CACNA1A: variants seen among roughly 807,000 people sequenced by gnomAD.
The protein encoded by CACNA1A is calcium voltage-gated channel subunit alpha1 A.
CACNA1A carries 57 observed loss-of-function variants against 262.4 expected under a neutral mutation model. The observed-to-expected ratio is 0.22, with a 90% CI of 0.18 to 0.27. CACNA1A has a LOEUF of 0.27. CACNA1A is among the 10% of genes least tolerant of loss of function. CACNA1A has a pLI of 1.00. For missense variants in CACNA1A, 2,526 were observed against 3,562.8 expected, an observed-to-expected ratio of 0.71 and a Z score of 7.41; for synonymous variants, 1,431 against 1,419.3, an observed-to-expected ratio of 1.01 and a Z score of -0.18.
At chr19:13,268,136 C>T (rs1233857044) in intron 24 of CACNA1A, among the ~76,000 whole-genome samples, 1 of 152,088 alleles carries the variant, frequency 6.6e-6, no homozygotes, top group East Asian at 1.9e-4. Flanking sequence ...TTAACAAAAG[C>T]TATGGCCTTG....
At chr19:13,291,177 G>C (rs2057527928) in intron 19 of CACNA1A, among the ~76,000 whole-genome samples, 1 of 152,150 alleles carries the variant, frequency 6.6e-6, no homozygotes, top group South Asian at 2.1e-4. Context: ...CACCTGCTGT[G>C]CGTGGCGTTC....
chr19:13,294,954 T>C (rs1468654037), intron 19 of CACNA1A, among the ~76,000 whole-genome samples: 2 of 152,214 alleles, frequency 1.3e-5, no homozygotes, highest in African/African-American at 2.4e-5. Context: ...ACTAGTCATG[T>C]CCTGCAAACT....
chr19:13,211,820 C>T (rs2054823803), intron 43 of CACNA1A: 2 of 397,982 alleles, frequency 5.0e-6, no homozygotes, highest in Non-Finnish European at 9.3e-6. Flanking sequence ...CTGTCTGCAG[C>T]CTCCAACCAG....
chr19:13,321,020 T>C (rs1472261599), intron 10 of CACNA1A, among the ~76,000 whole-genome samples: 1 of 141,028 alleles, frequency 7.1e-6, no homozygotes, highest in African/African-American at 2.8e-5. Context: ...TGAAATGTTC[T>C]TTTCCTTTTT....
chr19:13,491,487 G>A (rs1980875293), intron 1 of CACNA1A, among the ~76,000 whole-genome samples: 1 of 152,122 alleles, frequency 6.6e-6, no homozygotes, highest in South Asian at 2.1e-4. Context: ...CCTGACATGA[G>A]CAAGGGCAGG....
At chr19:13,312,506 T>A in intron 12 of CACNA1A, 163 bp downstream of exon 12, 1 of 564,352 alleles carries the variant, frequency 1.8e-6, no homozygotes, top group Admixed American at 4.1e-5. Context: ...CTGGGTACAC[T>A]GTATCCTTGC....
At chr19:13,391,762 C>A (rs1055840930) in intron 3 of CACNA1A, among the ~76,000 whole-genome samples, 5 of 151,674 alleles carry the variant, frequency 3.3e-5, no homozygotes, top group African/African-American at 4.8e-5. Context: ...CATGGCCGGG[C>A]GTGCTGGCTC....
At chr19:13,321,097 G>A (rs1406211658) in intron 10 of CACNA1A, among the ~76,000 whole-genome samples, 2 of 148,280 alleles carry the variant, frequency 1.3e-5, no homozygotes, top group Non-Finnish European at 3.0e-5. Flanking sequence ...GCAGTGGCAC[G>A]ATCTTGGCTC....
rs16054 is a variant in CACNA1A at position 13,207,858 on chromosome 19, C to CCTGCTG, written c.6970_6975dup (p.Gln2324_Gln2325dup). ...GCCGCCCGGCCCGGCCTGGCCACCG[C>CCTGCTG]CTGCTGCTGCTGCTGCTGCTGCTGC... On this transcript the variant is annotated inframe_insertion, in exon 47 of 47. Coordinates refer to ENST00000360228, the MANE Select transcript of CACNA1A (RefSeq NM_001127222.2). This position sits in a 1 kb window ranked among gnomAD's most constrained non-coding sequence, Gnocchi z 5.7. The CCTGCTG allele has an allele frequency of 2.5e-3, 3,532 of 1,431,762 alleles. 26 individuals carry two copies. Among genetic ancestry groups the CCTGCTG allele is most frequent in the East Asian group, 0.011 (370 of 34,392 alleles). The allele number at this position is 1,431,762 out of a possible 1,614,324, so 88.7% of individuals were successfully genotyped here. A position where few individuals can be genotyped will look rare whatever the true frequency, so the allele number is the denominator to read the frequency against.
intron 1 of CACNA1A, among the ~76,000 whole-genome samples, chr19:13,497,524 ATATATATATATATATAT>A (rs1354868260): frequency 9.2e-4 from 1 of 1,086 alleles, no homozygotes; most frequent in Non-Finnish European, 1.4e-3. Flanking sequence ...AAAAAAAAAT[ATATATATATATATATAT>A]ATATATATAT....
intron 36 of CACNA1A, chr19:13,228,989 C>T (rs554409063): frequency 9.7e-5 from 31 of 320,502 alleles, no homozygotes; most frequent in Middle Eastern, 9.4e-4. Context: ...CAGTCGAGTT[C>T]GGGACTGCAG....
intron 6 of CACNA1A, among the ~76,000 whole-genome samples, chr19:13,338,821 T>G (rs755725593): frequency 2.0e-5 from 3 of 152,172 alleles, no homozygotes; most frequent in Non-Finnish European, 2.9e-5. Context: ...GCTCTTCACT[T>G]ATAATCCGCG....
intron 6 of CACNA1A, among the ~76,000 whole-genome samples, chr19:13,355,286 A>C (rs913068000): frequency 2.6e-5 from 4 of 152,226 alleles, no homozygotes; most frequent in Non-Finnish European, 5.9e-5. Flanking sequence ...GAAGCAAAGA[A>C]GGATCCTCCC....
chr19:13,336,078 T>C (rs2058560637), intron 6 of CACNA1A, among the ~76,000 whole-genome samples, 169 bp from the exon 7 acceptor site: 1 of 152,208 alleles, frequency 6.6e-6, no homozygotes, highest in Non-Finnish European at 1.5e-5. Context: ...AGGAACGTTT[T>C]CTGAAGAAAA....
At chr19:13,503,886 A>G (rs1268390930) in intron 1 of CACNA1A, among the ~76,000 whole-genome samples, 1 of 152,022 alleles carries the variant, frequency 6.6e-6, no homozygotes, top group South Asian at 2.1e-4. Flanking sequence ...AACACTCGCA[A>G]TTCACCTGCC....
chr19:13,474,654 T>C (rs1978324906), intron 1 of CACNA1A, among the ~76,000 whole-genome samples: 1 of 152,046 alleles, frequency 6.6e-6, no homozygotes, highest in Non-Finnish European at 1.5e-5. Context: ...CCGTCTCTAC[T>C]AAAAATACAA....
chr19:13,241,471 G>A lies in CACNA1A; in HGVS notation c.4950+3711C>T, dbSNP rs185322205. 1.2e-5 allele frequency: 15 copies of A among 1,220,788 alleles called. No individual in the cohort carries two copies. Among genetic ancestry groups the A allele is most frequent in the Admixed American group, 2.2e-5 (1 of 45,376 alleles). 75.6% of individuals were successfully genotyped at this position (1,220,788 alleles called of 1,614,324 possible). A position where few individuals can be genotyped will look rare whatever the true frequency, so the allele number is the denominator to read the frequency against. ...ATGCAATGCCGACGCGAGGAGATGC[G>A]TTCACAGTTAATGTAAGGCATTTAG... On this transcript the variant is annotated intron_variant, in intron 31 of 46. Coordinates refer to ENST00000360228, the MANE Select transcript of CACNA1A (RefSeq NM_001127222.2). The surrounding 1 kb of genome is among the most constrained non-coding windows in gnomAD (Gnocchi z 4.0).
intron 1 of CACNA1A, among the ~76,000 whole-genome samples, chr19:13,491,480 G>C (rs768559869): frequency 3.9e-5 from 6 of 152,078 alleles, no homozygotes; most frequent in Non-Finnish European, 7.4e-5. Context: ...GTGAAATCCT[G>C]ACATGAGCAA....
intron 1 of CACNA1A, among the ~76,000 whole-genome samples, chr19:13,470,694 C>T (rs765790772): frequency 2.0e-5 from 3 of 152,194 alleles, no homozygotes; most frequent in Non-Finnish European, 4.4e-5. Context: ...TCATCCAAGC[C>T]CTGCAACGCT....
Sources: gnomAD v4.1 joint callset for allele counts (sites outside exome capture counted in the v4.1 genomes callset) on GRCh38, gnomAD v4.1.1 for gene constraint, Gnocchi (gnomAD v3.1) non-coding constraint, MANE v1.5 for transcripts, NCBI Gene and HGNC (gene_info 2026-07-23, HGNC 2026-07-21) for gene names.